The following PTPRD variants were observed in gnomAD, a reference collection of about 807,000 sequenced individuals.
PTPRD encodes protein tyrosine phosphatase receptor type D.
In PTPRD, 34 loss-of-function variants were observed where a neutral mutation model predicts 214.5. That is an observed-to-expected ratio of 0.16 (90% CI 0.12 to 0.21). PTPRD has a LOEUF of 0.21. Ranked by LOEUF, PTPRD falls within the 10% of genes least tolerant of loss-of-function variation. The pLI is 1.00. For missense variants in PTPRD, 2,545 were observed against 2,398.7 expected (o/e 1.06, Z -1.27); for synonymous variants, 1,128 against 845.7 (o/e 1.33, Z -5.79).
intron 7 of PTPRD, among the ~76,000 whole-genome samples, chr9:9,594,172 A>T (rs1455787668): frequency 6.6e-6 from 1 of 152,094 alleles, no homozygotes; most frequent in Non-Finnish European, 1.5e-5. Context: ...ATTATAAGAT[A>T]ACTGAGCTAC....
chr9:8,400,780 A>G (rs985797127), intron 36 of PTPRD, among the ~76,000 whole-genome samples: 2 of 152,186 alleles, frequency 1.3e-5, no homozygotes, highest in African/African-American at 4.8e-5. Context: ...TTTCTCATCT[A>G]TAAATGTGAA....
intron 34 of PTPRD, among the ~76,000 whole-genome samples, chr9:8,445,102 T>G (rs1223133857): frequency 6.6e-6 from 1 of 152,190 alleles, no homozygotes; most frequent in Non-Finnish European, 1.5e-5. Context: ...CCCATCTTAT[T>G]CCACTATCTG....
intron 3 of PTPRD, among the ~76,000 whole-genome samples, chr9:10,095,475 T>C (rs1177599059): frequency 6.6e-6 from 1 of 151,514 alleles, no homozygotes; most frequent in Non-Finnish European, 1.5e-5. Context: ...CCTACTGACA[T>C]GAATGCAGTC....
chr9:8,581,477 A>G (rs532648098), intron 14 of PTPRD, among the ~76,000 whole-genome samples: 20 of 152,212 alleles, frequency 1.3e-4, no homozygotes, highest in East Asian at 3.9e-4. Flanking sequence ...GGCCGGGCGC[A>G]GTGGCTCACG....
chr9:9,147,935 T>C (rs1020612366), intron 10 of PTPRD, among the ~76,000 whole-genome samples: 1 of 152,184 alleles, frequency 6.6e-6, no homozygotes, highest in Non-Finnish European at 1.5e-5. Flanking sequence ...CAATTGGTGC[T>C]TTACTAAGCT....
At chr9:10,243,875 T>A (rs1418054453) in intron 3 of PTPRD, among the ~76,000 whole-genome samples, 2 of 152,150 alleles carry the variant, frequency 1.3e-5, no homozygotes, top group East Asian at 3.9e-4. Flanking sequence ...ATTAATCATT[T>A]TTTTTTCTGT....
chr9:9,790,516 T>C (rs2098959872), intron 5 of PTPRD, among the ~76,000 whole-genome samples: 1 of 152,248 alleles, frequency 6.6e-6, no homozygotes, highest in African/African-American at 2.4e-5. Context: ...ATCTCAAATG[T>C]TTTGTAAGTT....
intron 11 of PTPRD, among the ~76,000 whole-genome samples, chr9:8,745,935 A>G (rs7039040): frequency 8.6e-5 from 13 of 152,002 alleles, no homozygotes; most frequent in African/African-American, 2.4e-4. Context: ...GTATCCGGGA[A>G]TACTGGCAAG....
chr9:8,538,204 C>A (rs2077420616), intron 14 of PTPRD, among the ~76,000 whole-genome samples: 1 of 151,938 alleles, frequency 6.6e-6, no homozygotes, highest in African/African-American at 2.4e-5. Context: ...CCCTTTACAT[C>A]CATCCAAATG....
chr9:10,500,999 T>C (rs755784625), intron 2 of PTPRD, among the ~76,000 whole-genome samples: 2 of 152,052 alleles, frequency 1.3e-5, no homozygotes, highest in Non-Finnish European at 2.9e-5. Context: ...GGAAGAAATA[T>C]GGGAATACAG....
At chr9:9,703,907 TA>T (rs2097547586) in intron 7 of PTPRD, among the ~76,000 whole-genome samples, 1 of 152,122 alleles carries the variant, frequency 6.6e-6, no homozygotes, top group African/African-American at 2.4e-5. Context: ...TTCTTTGAGA[TA>T]GGGTCTCACT....
At chr9:9,699,193 C>T (rs1003272034) in intron 7 of PTPRD, among the ~76,000 whole-genome samples, 1 of 152,034 alleles carries the variant, frequency 6.6e-6, no homozygotes, top group African/African-American at 2.4e-5. Flanking sequence ...ACTTACATTT[C>T]AGTCAAGCTG....
chr9:8,370,763 A>G (rs1500323), intron 39 of PTPRD, among the ~76,000 whole-genome samples: 86,658 of 151,834 alleles, frequency 0.57, 28,099 homozygotes, highest in Non-Finnish European at 0.75. Context: ...GGGGAGCTAA[A>G]AACCATCATG....
chr9:8,737,406 T>G (rs2090717635), intron 11 of PTPRD, among the ~76,000 whole-genome samples: 2 of 151,980 alleles, frequency 1.3e-5, no homozygotes, highest in Admixed American at 1.3e-4. Flanking sequence ...GAATTTAAAT[T>G]TAGGTACAAA....
At position 9,468,329 on chromosome 9, in the gene PTPRD, A is replaced by G. The variant is rs147189024; in HGVS notation, c.-236-70847T>C. ...CTTTGGATTTCAAAAAATAATCTAT[A>G]TGAAATACATACATTTCAAAAAATA... On this transcript the variant is annotated intron_variant, in intron 8 of 45. Coordinates refer to ENST00000381196, the MANE Select transcript of PTPRD (RefSeq NM_002839.4). Among the ~76,000 whole-genome samples, 13 of 152,230 alleles carry G rather than the reference A, an allele frequency of 8.5e-5. 1 individual carries two copies. The highest frequency in any genetic ancestry group is 2.2e-4 in the African/African-American group (9 of 41,568).
chr9:9,976,157 T>G (rs1420621652), intron 4 of PTPRD, among the ~76,000 whole-genome samples: 2 of 152,172 alleles, frequency 1.3e-5, no homozygotes, highest in Non-Finnish European at 2.9e-5. Context: ...GTAATTTATC[T>G]GAAATTAAAA....
intron 2 of PTPRD, among the ~76,000 whole-genome samples, chr9:10,394,177 T>C (rs1327559113): frequency 6.9e-6 from 1 of 145,302 alleles, no homozygotes; most frequent in Admixed American, 7.0e-5. Flanking sequence ...TACATATATA[T>C]CTATATATAA....
intron 3 of PTPRD, among the ~76,000 whole-genome samples, chr9:10,279,071 G>T (rs901920428): frequency 2.0e-5 from 3 of 152,102 alleles, no homozygotes; most frequent in Non-Finnish European, 4.4e-5. Flanking sequence ...ACCGCGCCTG[G>T]CCCCATGTAT....
At chr9:8,391,212 A>G (rs1280256708) in intron 36 of PTPRD, among the ~76,000 whole-genome samples, 1 of 152,230 alleles carries the variant, frequency 6.6e-6, no homozygotes, top group South Asian at 2.1e-4. Context: ...GCCACTTGCA[A>G]TGACTTTGAC....
Sources: gnomAD v4.1 joint callset for allele counts (sites outside exome capture counted in the v4.1 genomes callset) on GRCh38, gnomAD v4.1.1 for gene constraint, MANE v1.5 for transcripts, NCBI Gene and HGNC (gene_info 2026-07-23, HGNC 2026-07-21) for gene names.